Variants in BARD1 observed in about 807,000 individuals in gnomAD.
BARD1 encodes BRCA1 associated RING domain 1.
Under a neutral mutation model 77.0 loss-of-function variants are expected in BARD1, and 73 were observed. That is an observed-to-expected ratio of 0.95 (90% CI 0.79 to 1.15). The LOEUF is 1.15. Ranked by LOEUF, BARD1 falls within the 50% of genes most tolerant of loss-of-function variation. BARD1 has a pLI of 0.00. For synonymous variants in BARD1, 384 were observed against 338.0 expected (o/e 1.14, Z -1.49); for missense variants, 993 against 938.8 (o/e 1.06, Z -0.75).
rs564853360 is a variant in BARD1, at chr2:214,769,571, G to A, written c.1315-259C>T. ...AGCCTGGTCAACATGGTGAAACCCC[G>A]TCTCTACTAAAAATACAAAACTAGT... is the stretch of plus-strand genomic sequence containing the variant. On this transcript the variant is annotated intron_variant, in intron 4 of 10. Transcript: ENST00000260947. Among the ~76,000 whole-genome samples, 101 of 152,054 alleles carry A rather than the reference G, an allele frequency of 6.6e-4. No homozygotes were observed. The Middle Eastern group carries it at 0.017, about 26-fold the overall frequency.
intron 4 of BARD1, among the ~76,000 whole-genome samples, chr2:214,779,581 T>A (rs557557321): frequency 6.6e-6 from 1 of 152,240 alleles, no homozygotes; most frequent in South Asian, 2.1e-4. Flanking sequence ...CTATTCCCTT[T>A]CTCCACACAG....
intron 6 of BARD1, among the ~76,000 whole-genome samples, chr2:214,763,006 A>T (rs1001350251): frequency 2.6e-5 from 4 of 151,600 alleles, no homozygotes; most frequent in African/African-American, 9.7e-5. Context: ...TTTCAACTTA[A>T]AATCAGCACT....
intron 9 of BARD1, chr2:214,730,832 T>C: frequency 2.2e-6 from 1 of 463,052 alleles, no homozygotes; most frequent in South Asian, 1.6e-5. Context: ...AAAGTCTACA[T>C]TTCCACTCAT....
intron 7 of BARD1, among the ~76,000 whole-genome samples, chr2:214,751,107 GTGTGTGTGTGTATATATA>G (rs1213249706): frequency 9.8e-5 from 1 of 10,250 alleles, no homozygotes; most frequent in East Asian, 3.2e-3. Context: ...GTGTGTGTGT[GTGTGTGTGTGTATATATA>G]TATATATATA....
At chr2:214,759,239 G>T (rs148632364) in intron 6 of BARD1, among the ~76,000 whole-genome samples, 2 of 151,984 alleles carry the variant, frequency 1.3e-5, no homozygotes, top group East Asian at 3.9e-4. Context: ...ATCCTTCCAA[G>T]GAAAACTGTT....
chr2:214,792,245 C>T (rs2106134174), intron 3 of BARD1, 52 bp downstream of exon 3: 1 of 1,521,830 alleles, frequency 6.6e-7, no homozygotes, highest in Non-Finnish European at 9.0e-7. Flanking sequence ...AATATGAATT[C>T]ATCAGTTTTT....
At chr2:214,792,566 T>G in intron 2 of BARD1, 121 bp from the exon 3 acceptor site, 1 of 943,904 alleles carries the variant, frequency 1.1e-6, no homozygotes, top group Non-Finnish European at 1.5e-6. Flanking sequence ...AATGGTCAAT[T>G]GTAATATCCT....
At chr2:214,729,911 A>G (rs527868887) in intron 10 of BARD1, among the ~76,000 whole-genome samples, 2 of 152,232 alleles carry the variant, frequency 1.3e-5, no homozygotes, top group South Asian at 4.2e-4. Flanking sequence ...GGCACAAAAG[A>G]TTTTTGTGCT....
At chr2:214,743,183 G>A (rs1692925687) in intron 9 of BARD1, among the ~76,000 whole-genome samples, 2 of 152,186 alleles carry the variant, frequency 1.3e-5, no homozygotes, top group Admixed American at 1.3e-4. Context: ...AAAAGAAGTG[G>A]TAGCTGTATT....
At chr2:214,730,969 G>A (rs1261241925) in intron 9 of BARD1, 1 of 453,000 alleles carries the variant, frequency 2.2e-6, no homozygotes, top group African/African-American at 2.0e-5. Context: ...TAAGTGATTT[G>A]ACATGAAGGA....
rs1180157213 is a variant in BARD1 at position 214,725,933 on chromosome 2, A to C, written c.*2743T>G. 4.4e-6 allele frequency: 1 copy of C among 225,766 alleles called. No homozygotes were observed. The highest frequency in any genetic ancestry group is 8.8e-6 in the Non-Finnish European group (1 of 113,868). 14.0% of individuals were successfully genotyped at this position (225,766 alleles called of 1,614,324 possible). ...AAACAATAACAGCTAATGTGGCCCC[A>C]CTCTCACCTGTGAATCGTCTTATTC... On this transcript the variant is annotated 3_prime_UTR_variant, in exon 11 of 11. Coordinates refer to ENST00000260947, the MANE Select transcript of BARD1 (RefSeq NM_000465.4).
chr2:214,758,205 C>T (rs1693788205), intron 6 of BARD1, among the ~76,000 whole-genome samples: 1 of 152,136 alleles, frequency 6.6e-6, no homozygotes, highest in South Asian at 2.1e-4. Flanking sequence ...TTCAGCCCTG[C>T]CACTCAAAAG....
chr2:214,772,696 A>G (rs1264756976), intron 4 of BARD1, among the ~76,000 whole-genome samples: 3 of 152,180 alleles, frequency 2.0e-5, no homozygotes, highest in Non-Finnish European at 4.4e-5. Flanking sequence ...CTTGCTTTTT[A>G]TAACCAATCT....
At chr2:214,759,484 T>A (rs1693848767) in intron 6 of BARD1, among the ~76,000 whole-genome samples, 1 of 152,090 alleles carries the variant, frequency 6.6e-6, no homozygotes, top group Non-Finnish European at 1.5e-5. Context: ...TTTTTCATGA[T>A]CTAGGGTTAA....
intron 7 of BARD1, among the ~76,000 whole-genome samples, chr2:214,751,117 GTATA>G (rs1216095030): frequency 9.8e-4 from 16 of 16,288 alleles, no homozygotes; most frequent in African/African-American, 1.3e-3. Context: ...GTGTGTGTGT[GTATA>G]TATATATATA....
Position 214,726,262 on chromosome 2 carries a change from GAC to G in BARD1, c.*2412_*2413del. On this transcript the variant is annotated 3_prime_UTR_variant, in exon 11 of 11. Coordinates refer to ENST00000260947, the MANE Select transcript of BARD1 (RefSeq NM_000465.4). ...ATAGATATGGTAAAGTATTAGCAGA[GAC>G]AGAAAAATAGCTACAAAGTGGCAGC... 5.0e-6 allele frequency: 1 copy of G among 201,632 alleles called. No homozygotes were observed. Among genetic ancestry groups the G allele is most frequent in the South Asian group, 1.9e-4 (1 of 5,232 alleles). 12.5% of individuals were successfully genotyped at this position (201,632 alleles called of 1,614,324 possible).
rs113953659 is a variant in BARD1 at position 214,805,767 on chromosome 2, G to GA, written c.158+3644dup. Among the ~76,000 whole-genome samples, 488 of 142,956 alleles carry GA rather than the reference G, an allele frequency of 3.4e-3. 4 individuals carry two copies. The highest frequency in any genetic ancestry group is 0.011 in the African/African-American group (428 of 39,436). 93.8% of individuals were successfully genotyped at this position (142,956 alleles called of 152,430 possible). ...TGATCATCTCCTAAACAAGAACTCA[G>GA]AAAAAAAAAAATACCTATCATAAAG... On this transcript the variant is annotated intron_variant, in intron 1 of 10. Transcript: ENST00000260947.
chr2:214,798,232 C>T (rs1695847265), intron 1 of BARD1, among the ~76,000 whole-genome samples: 1 of 147,550 alleles, frequency 6.8e-6, no homozygotes, highest in African/African-American at 2.5e-5. Context: ...AGTACACACC[C>T]ACAATGTTAT....
At chr2:214,767,390 C>G in intron 6 of BARD1, 92 bp downstream of exon 6, 3 of 1,235,788 alleles carry the variant, frequency 2.4e-6, no homozygotes, top group Non-Finnish European at 3.5e-6. Context: ...AGAAAGCCAT[C>G]AACTTGACTA....
Sources: gnomAD v4.1 joint callset for allele counts (sites outside exome capture counted in the v4.1 genomes callset) on GRCh38, gnomAD v4.1.1 for gene constraint, MANE v1.5 for transcripts, NCBI Gene and HGNC (gene_info 2026-07-23, HGNC 2026-07-21) for gene names.